Variants in CDH22 observed in about 807,000 individuals in gnomAD.
CDH22 encodes the protein cadherin-22.
A neutral mutation model predicts 58.4 loss-of-function variants in CDH22; 30 were observed. The ratio of observed to expected loss-of-function variants is 0.51; its 90% CI spans 0.38 to 0.70. The LOEUF (loss-of-function observed/expected upper bound fraction) is 0.70. CDH22 is among the 30% of genes least tolerant of loss of function. The pLI, the probability that CDH22 is intolerant of heterozygous loss-of-function variation, is 0.00. For missense variants in CDH22, 1,014 were observed against 1,233.9 expected, an observed-to-expected ratio of 0.82 and a Z score of 2.67; for synonymous variants, 513 against 558.2, an observed-to-expected ratio of 0.92 and a Z score of 1.14.
rs1436016722 is a variant in CDH22, at chr20:46,241,765, C to T, written c.256-508G>A. Among the ~76,000 whole-genome samples the T allele has an allele frequency of 5.3e-5, 8 of 152,208 alleles. No homozygotes were observed. The highest frequency in any genetic ancestry group is 1.9e-4 in the African/African-American group (8 of 41,448). ...CCCCTGCCCCCAGGATCTCTCGGTACATCAAGCCATCATGATCATGTTCAG... is the reference window on the plus strand; with the variant it reads ...CCCCTGCCCCCAGGATCTCTCGGTATATCAAGCCATCATGATCATGTTCAG... On this transcript the variant is annotated intron_variant, in intron 2 of 11. Coordinates refer to ENST00000537909, the MANE Select transcript of CDH22 (RefSeq NM_021248.3). This position sits in a 1 kb window ranked among gnomAD's most constrained non-coding sequence, Gnocchi z 5.2.
At chr20:46,255,995 A>G (rs972592929) in intron 1 of CDH22, among the ~76,000 whole-genome samples, 3 of 152,088 alleles carry the variant, frequency 2.0e-5, no homozygotes, top group Non-Finnish European at 4.4e-5. Flanking sequence ...TGCCCTGTCC[A>G]CACTTCAGCC....
At chr20:46,184,141 C>T (rs1423761971) in intron 10 of CDH22, among the ~76,000 whole-genome samples, 4 of 151,560 alleles carry the variant, frequency 2.6e-5, no homozygotes, top group South Asian at 2.1e-4. Flanking sequence ...TCTTGTTGCC[C>T]GGGCTGGAGG....
chr20:46,207,686 T>C (rs1228399536), intron 7 of CDH22, among the ~76,000 whole-genome samples: 1 of 152,232 alleles, frequency 6.6e-6, no homozygotes, highest in Non-Finnish European at 1.5e-5. Flanking sequence ...TTCACTTTTG[T>C]GCCTCATCTT....
chr20:46,180,601 G>A (rs545038445), intron 10 of CDH22, among the ~76,000 whole-genome samples: 3 of 152,292 alleles, frequency 2.0e-5, no homozygotes, highest in South Asian at 4.1e-4. Context: ...ACATAGTAAT[G>A]TTTAATCCTC....
rs148005363 is a variant in CDH22 at position 46,243,152 on chromosome 20, T to C, written c.256-1895A>G. ...TGGGGTGCTGGGGACCCCAGCCCAC[T>C]AGGCAGGAGAACAGGTGCCCATGAA... On this transcript the variant is annotated intron_variant, in intron 2 of 11. Coordinates refer to ENST00000537909, the MANE Select transcript of CDH22 (RefSeq NM_021248.3). Among the ~76,000 whole-genome samples, 590 of 152,216 alleles carry C rather than the reference T, an allele frequency of 3.9e-3. 4 individuals carry two copies. The highest frequency in any genetic ancestry group is 0.014 in the African/African-American group (567 of 41,528).
At chr20:46,240,931 C>A in intron 3 of CDH22, 32 bp downstream of exon 3, 1 of 1,587,156 alleles carries the variant, frequency 6.3e-7, no homozygotes, top group Non-Finnish European at 8.6e-7. Flanking sequence ...TCACCTTGAT[C>A]CCATCCCCCA....
chr20:46,241,820 T>C lies in CDH22; in HGVS notation c.256-563A>G, dbSNP rs1222155928. Reference sequence around the variant, plus strand: ...GTAGGATGGCTGTAGCCAGCACTTCTCAAACTCTAGTATGCATGCAGTTCA... The same window carrying C: ...GTAGGATGGCTGTAGCCAGCACTTCCCAAACTCTAGTATGCATGCAGTTCA... On this transcript the variant is annotated intron_variant, in intron 2 of 11. Transcript: ENST00000537909. This position sits in a 1 kb window ranked among gnomAD's most constrained non-coding sequence, Gnocchi z 5.2. 6.6e-6 allele frequency among the ~76,000 whole-genome samples: 1 copy of C among 152,254 alleles called. No homozygotes were observed. The highest frequency in any genetic ancestry group is 2.4e-5 in the African/African-American group (1 of 41,476).
intron 1 of CDH22, among the ~76,000 whole-genome samples, chr20:46,276,320 C>A (rs1374917030): frequency 6.6e-6 from 1 of 152,172 alleles, no homozygotes; most frequent in African/African-American, 2.4e-5. Context: ...ATTAGATTCA[C>A]CTTTTAAAGG....
chr20:46,185,693 C>G (rs1231955750), intron 10 of CDH22, among the ~76,000 whole-genome samples: 2 of 151,228 alleles, frequency 1.3e-5, no homozygotes. Context: ...CACAGCAAGA[C>G]CCCATTTCTA....
intron 1 of CDH22, among the ~76,000 whole-genome samples, chr20:46,294,318 G>T (rs2086619216): frequency 6.6e-6 from 1 of 152,108 alleles, no homozygotes; most frequent in Non-Finnish European, 1.5e-5. Flanking sequence ...TCAGCTGTGG[G>T]GTCCTGAGTT....
chr20:46,271,441 A>G (rs2425833), intron 1 of CDH22, among the ~76,000 whole-genome samples: 60,539 of 151,834 alleles, frequency 0.4, 12,619 homozygotes, highest in Middle Eastern at 0.61. Flanking sequence ...CCATCTTTAA[A>G]AAACAAAACC....
chr20:46,252,662 A>C (rs2086385562), intron 1 of CDH22, among the ~76,000 whole-genome samples: 1 of 152,248 alleles, frequency 6.6e-6, no homozygotes, highest in Non-Finnish European at 1.5e-5. Flanking sequence ...ATCCCAGTTC[A>C]GCTCAGTTCA....
chr20:46,209,549 G>T (rs1027153445), intron 7 of CDH22, among the ~76,000 whole-genome samples: 7 of 152,160 alleles, frequency 4.6e-5, no homozygotes, highest in African/African-American at 1.4e-4. Flanking sequence ...TTAAAGAGGG[G>T]TGAGGACAGA....
In CDH22 at chr20:46,175,081, C is replaced by A. The variant is rs1375752379; in HGVS notation, c.1916-4G>T. On this transcript the variant is annotated splice_region_variant and splice_polypyrimidine_tract_variant and intron_variant, in intron 11 of 11. Transcript: ENST00000537909. ...GTGAGGATCAGCAGCACCAGCACTGCGAGGGGGACAGAGGGGGCAACTGAG... is the reference window on the plus strand; with the variant it reads ...GTGAGGATCAGCAGCACCAGCACTGAGAGGGGGACAGAGGGGGCAACTGAG... The A allele has an allele frequency of 6.3e-7, 1 of 1,589,192 alleles. No homozygotes were observed. The highest frequency in any genetic ancestry group is 1.7e-5 in the Admixed American group (1 of 57,696).
intron 1 of CDH22, among the ~76,000 whole-genome samples, chr20:46,272,427 A>G (rs1488632200): frequency 2.6e-5 from 4 of 152,206 alleles, no homozygotes; most frequent in Non-Finnish European, 5.9e-5. Flanking sequence ...TCTGTAATTC[A>G]TCAGCAAGTA....
intron 8 of CDH22, among the ~76,000 whole-genome samples, chr20:46,192,237 T>C (rs910235456): frequency 1.3e-5 from 2 of 152,196 alleles, no homozygotes; most frequent in Non-Finnish European, 2.9e-5. Context: ...AATAAAGATG[T>C]GTCAAATGAA....
At chr20:46,200,426 G>A (rs1600693501) in intron 7 of CDH22, among the ~76,000 whole-genome samples, 4 of 147,676 alleles carry the variant, frequency 2.7e-5, no homozygotes, top group African/African-American at 2.5e-5. Flanking sequence ...CTGCAGGTGC[G>A]TGCCACCACG....
intron 3 of CDH22, among the ~76,000 whole-genome samples, chr20:46,236,033 A>C (rs2086249133): frequency 6.6e-6 from 1 of 152,158 alleles, no homozygotes; most frequent in South Asian, 2.1e-4. Flanking sequence ...CTTCAGCCAC[A>C]GACCTCCGTG....
chr20:46,295,215 G>A (rs1459515221), intron 1 of CDH22, among the ~76,000 whole-genome samples: 1 of 152,154 alleles, frequency 6.6e-6, no homozygotes, highest in Non-Finnish European at 1.5e-5. Context: ...TTCTCCAAAT[G>A]AGGCACCCCA....
Sources: allele counts gnomAD v4.1 joint callset (sites outside exome capture counted in the v4.1 genomes callset), GRCh38; gene constraint gnomAD v4.1.1; non-coding constraint Gnocchi (gnomAD v3.1); transcripts MANE v1.5; gene names NCBI Gene and HGNC (gene_info 2026-07-23, HGNC 2026-07-21).